Variants in SATB2 observed in about 807,000 individuals in gnomAD.
The protein encoded by SATB2 is DNA-binding protein SATB2.
SATB2 carries 1 observed loss-of-function variant against 73.4 expected under a neutral mutation model. The ratio of observed to expected loss-of-function variants is 0.01; its 90% CI spans 0.00 to 0.06. The LOEUF (loss-of-function observed/expected upper bound fraction) is 0.06, where lower values mean the gene tolerates loss of function less well. SATB2 is among the 10% of genes least tolerant of loss of function. The pLI is 1.00. For synonymous variants in SATB2, 397 were observed against 367.0 expected (o/e 1.08, Z -0.93); for missense variants, 459 against 945.8 (o/e 0.49, Z 6.75).
chr2:199,445,271 T>TG (rs978109291), intron 2 of SATB2, among the ~76,000 whole-genome samples: 8 of 152,028 alleles, frequency 5.3e-5, no homozygotes, highest in Admixed American at 1.3e-4. Flanking sequence ...TGGAACAGTG[T>TG]GAAAAAAGAG....
chr2:199,380,618 G>A, intron 4 of SATB2, 131 bp from the exon 5 acceptor site: 1 of 1,159,330 alleles, frequency 8.6e-7, no homozygotes, highest in Non-Finnish European at 1.3e-6. Context: ...TGGGGTCTAA[G>A]TGAAGGAAGG....
At chr2:199,420,588 G>T (rs1691135294) in intron 3 of SATB2, among the ~76,000 whole-genome samples, 1 of 152,190 alleles carries the variant, frequency 6.6e-6, no homozygotes, top group African/African-American at 2.4e-5. Context: ...GCAGGGTTGG[G>T]CCTATTCCTT....
chr2:199,414,887 T>C (rs1343144456), intron 3 of SATB2, among the ~76,000 whole-genome samples: 1 of 151,886 alleles, frequency 6.6e-6, no homozygotes, highest in Non-Finnish European at 1.5e-5. Context: ...TGGCACGTGG[T>C]AAGAGGGGGT....
chr2:199,434,545 C>A (rs1201322577), intron 2 of SATB2, among the ~76,000 whole-genome samples: 1 of 152,000 alleles, frequency 6.6e-6, no homozygotes, highest in East Asian at 1.9e-4. Context: ...TAAACATGGA[C>A]CCTGCCTAAT....
At chr2:199,459,394 G>A (rs1692409425), upstream of SATB2, among the ~76,000 whole-genome samples, 1 of 152,170 alleles carries the variant, frequency 6.6e-6, no homozygotes, top group Admixed American at 6.5e-5. This position sits in a 1 kb window ranked among gnomAD's most constrained non-coding sequence, Gnocchi z 4.2. Context: ...TAGCCGAGCA[G>A]GCTGGCCTCT....
intron 2 of SATB2, among the ~76,000 whole-genome samples, chr2:199,440,895 G>A (rs1170616256): frequency 6.6e-6 from 1 of 151,450 alleles, no homozygotes; most frequent in African/African-American, 2.4e-5. Context: ...TTATTGCCCA[G>A]GCTGGAGTGC....
rs140060647 is a variant in SATB2 at position 199,308,937 on chromosome 2, G to A, written c.1563C>T (p.Leu521=). 4.3e-6 allele frequency: 7 copies of A among 1,613,992 alleles called. No individual in the cohort carries two copies. The highest frequency in any genetic ancestry group is 1.7e-5 in the Admixed American group (1 of 59,998). ...CTGGGCTTGGGTTCTCCTTCCAGCG[G>A]AGCAGTTCACACAGCCAGCCCTGTA... ...NKSQGWLCEL[L]RWKENPSPEN... is the part of the protein sequence containing the mutation. Residue 521 remains leucine, a synonymous_variant, in exon 10 of 11, where the codon CTC becomes CTT. Coordinates refer to ENST00000417098, the MANE Select transcript of SATB2 (RefSeq NM_001172509.2). The surrounding 1 kb of genome is among the most constrained non-coding windows in gnomAD (Gnocchi z 4.6).
At chr2:199,370,034 C>T (rs1298361698) in intron 5 of SATB2, among the ~76,000 whole-genome samples, 1 of 152,180 alleles carries the variant, frequency 6.6e-6, no homozygotes, top group Non-Finnish European at 1.5e-5. Flanking sequence ...GAGCTAATAT[C>T]ATCGGAGTGT....
At chr2:199,360,485 C>T (rs1037499908) in intron 6 of SATB2, among the ~76,000 whole-genome samples, 2 of 152,134 alleles carry the variant, frequency 1.3e-5, no homozygotes, top group African/African-American at 4.8e-5. Flanking sequence ...GTCATGCCAG[C>T]CCAGCCTCAC....
At chr2:199,300,025 C>G (rs1687234064) in intron 10 of SATB2, among the ~76,000 whole-genome samples, 1 of 152,126 alleles carries the variant, frequency 6.6e-6, no homozygotes, top group Non-Finnish European at 1.5e-5. Context: ...ACCGTAGTCT[C>G]TATTTATTTT....
chr2:199,371,377 G>A (rs1689441723), intron 5 of SATB2, among the ~76,000 whole-genome samples: 1 of 151,886 alleles, frequency 6.6e-6, no homozygotes, highest in African/African-American at 2.4e-5. Context: ...AAAGTTGAAA[G>A]GGGCTAACAT....
chr2:199,446,139 A>G (rs1169820422), intron 2 of SATB2, among the ~76,000 whole-genome samples: 1 of 152,208 alleles, frequency 6.6e-6, no homozygotes, highest in Non-Finnish European at 1.5e-5. Flanking sequence ...GGTGACAAAA[A>G]ACTTAAAACA....
At chr2:199,387,211 T>A (rs1289913259) in intron 3 of SATB2, among the ~76,000 whole-genome samples, 1 of 152,124 alleles carries the variant, frequency 6.6e-6, no homozygotes, top group African/African-American at 2.4e-5. Flanking sequence ...TTTTGCAAGT[T>A]TTTGAACTAC....
chr2:199,362,366 C>G (rs531121502), intron 6 of SATB2, among the ~76,000 whole-genome samples: 6 of 109,060 alleles, frequency 5.5e-5, no homozygotes, highest in South Asian at 3.7e-4. Context: ...GCCCACCCCC[C>G]ACCCCACGTC....
chr2:199,360,144 CAA>C (rs1158387789), intron 6 of SATB2, among the ~76,000 whole-genome samples: 1 of 152,030 alleles, frequency 6.6e-6, no homozygotes, highest in Non-Finnish European at 1.5e-5. Flanking sequence ...ATCAAGAAAC[CAA>C]AAGAGTTCTC....
At chr2:199,319,634 A>G (rs1179083852) in intron 9 of SATB2, among the ~76,000 whole-genome samples, 1 of 152,104 alleles carries the variant, frequency 6.6e-6, no homozygotes, top group Admixed American at 6.6e-5. Context: ...ATTAAAAATA[A>G]GCCCCTTTCC....
At position 199,308,215 on chromosome 2, in the gene SATB2, A is replaced by G. The variant is rs1240698900; in HGVS notation, c.1740+545T>C. 6.6e-6 allele frequency among the ~76,000 whole-genome samples: 1 copy of G among 152,204 alleles called. No homozygotes were observed. Among genetic ancestry groups the G allele is most frequent in the Non-Finnish European group, 1.5e-5 (1 of 68,032 alleles). ...AATCCAAAGGAAGGCAGATTTCTAA[A>G]TGAGATGTAACCAAAGACAGCAAAA... On this transcript the variant is annotated intron_variant, in intron 10 of 10. Transcript: ENST00000417098. This position sits in a 1 kb window ranked among gnomAD's most constrained non-coding sequence, Gnocchi z 4.6.
chr2:199,385,502 T>TGG (rs1298352128), intron 3 of SATB2, among the ~76,000 whole-genome samples: 1 of 152,110 alleles, frequency 6.6e-6, no homozygotes, highest in Non-Finnish European at 1.5e-5. Context: ...TCTCTTATTT[T>TGG]CTGCACCACC....
rs550474634 is a variant in SATB2 at position 199,463,486 on chromosome 2, T to C, written c.-141+1350A>G. Among the ~76,000 whole-genome samples, 8 of 152,142 alleles carry C rather than the reference T, an allele frequency of 5.3e-5. No individual in the cohort carries two copies. Among genetic ancestry groups the C allele is most frequent in the Non-Finnish European group, 1.2e-4 (8 of 68,020 alleles). On this transcript the variant is annotated intron_variant, in intron 1 of 11. Transcript: ENST00000260926. The surrounding 1 kb of genome is among the most constrained non-coding windows in gnomAD (Gnocchi z 6.4). ...CTGCGAAGAGCCCCGAGGCCTCGGC[T>C]TGGCGTCAATGTCCCGCCACCCTCG...
Sources: allele counts gnomAD v4.1 joint callset (sites outside exome capture counted in the v4.1 genomes callset), GRCh38; gene constraint gnomAD v4.1.1; non-coding constraint Gnocchi (gnomAD v3.1); transcripts MANE v1.5; gene names NCBI Gene and HGNC (gene_info 2026-07-23, HGNC 2026-07-21).